The following CFAP299 variants were observed in gnomAD, a reference collection of about 807,000 sequenced individuals.
CFAP299 encodes cilia- and flagella-associated protein 299.
CFAP299 carries 21 observed loss-of-function variants against 27.0 expected under a neutral mutation model. The observed-to-expected ratio is 0.78, with a 90% CI of 0.55 to 1.12. CFAP299 has a LOEUF of 1.12. Ranked by LOEUF, CFAP299 falls within the 50% of genes most tolerant of loss-of-function variation. The pLI is 0.00. For synonymous variants in CFAP299, 104 were observed against 98.1 expected (o/e 1.06, Z -0.36); for missense variants, 310 against 276.6 (o/e 1.12, Z -0.86).
chr4:80,438,040 G>A (rs1728176159), intron 2 of CFAP299, among the ~76,000 whole-genome samples: 1 of 152,214 alleles, frequency 6.6e-6, no homozygotes, highest in Admixed American at 6.5e-5. Flanking sequence ...AAGCATCTTT[G>A]CTTTTATGAA....
At chr4:80,748,493 A>G (rs187694070) in intron 3 of CFAP299, among the ~76,000 whole-genome samples, 37 of 152,222 alleles carry the variant, frequency 2.4e-4, no homozygotes, top group African/African-American at 7.2e-4. Context: ...ATGAACATCT[A>G]TTTTCCCTAA....
At chr4:80,379,697 T>A (rs1248928410) in intron 2 of CFAP299, among the ~76,000 whole-genome samples, 2 of 152,074 alleles carry the variant, frequency 1.3e-5, no homozygotes, top group Non-Finnish European at 2.9e-5. Flanking sequence ...TGTTAGAAAA[T>A]TTTTCAAAAT....
rs547064789 is a variant in CFAP299 at position 80,687,956 on chromosome 4, C to T, written c.333+104773C>T. Among the ~76,000 whole-genome samples, 16 of 152,290 alleles carry T rather than the reference C, an allele frequency of 1.1e-4. No individual in the cohort carries two copies. In the South Asian group the frequency reaches 3.1e-3, roughly 30 times the overall value. On this transcript the variant is annotated intron_variant, in intron 3 of 5. Transcript: ENST00000358105. ...CGGCACCTGGAAGAAAGGGTCACTC[C>T]CACCCGAATACTGCGCTTTTCCGAA...
chr4:80,506,464 C>A (rs1330886151), intron 2 of CFAP299, among the ~76,000 whole-genome samples: 1 of 152,106 alleles, frequency 6.6e-6, no homozygotes, highest in Non-Finnish European at 1.5e-5. Context: ...TTTATTATTT[C>A]TAAGAAATGC....
chr4:80,405,009 A>T (rs1726343627), intron 2 of CFAP299, among the ~76,000 whole-genome samples: 1 of 152,192 alleles, frequency 6.6e-6, no homozygotes, highest in Non-Finnish European at 1.5e-5. Context: ...ACATACTGAC[A>T]TATATCGTCA....
intron 1 of CFAP299, 36 bp downstream of exon 1, chr4:80,335,915 G>T (rs1471558788): frequency 7.6e-7 from 1 of 1,320,162 alleles, no homozygotes; most frequent in Middle Eastern, 2.0e-4. Flanking sequence ...CCGCCGCCGC[G>T]CGTCCCTCGG....
intron 3 of CFAP299, among the ~76,000 whole-genome samples, chr4:80,605,105 T>C (rs756551732): frequency 6.6e-6 from 1 of 152,222 alleles, no homozygotes; most frequent in Non-Finnish European, 1.5e-5. Flanking sequence ...ACATTTTTCA[T>C]GCCTGAGTCA....
At chr4:80,667,400 A>G (rs1343420834) in intron 3 of CFAP299, among the ~76,000 whole-genome samples, 1 of 152,178 alleles carries the variant, frequency 6.6e-6, no homozygotes, top group East Asian at 1.9e-4. Context: ...TATAAACTAT[A>G]GTCACAGTAC....
chr4:80,357,498 C>G (rs1008537688), intron 1 of CFAP299, among the ~76,000 whole-genome samples: 1 of 152,238 alleles, frequency 6.6e-6, no homozygotes, highest in Middle Eastern at 3.4e-3. Flanking sequence ...CTATTTATTA[C>G]TGACTCAATT....
intron 1 of CFAP299, among the ~76,000 whole-genome samples, chr4:80,355,531 G>C (rs1723232891): frequency 1.3e-5 from 2 of 151,856 alleles, no homozygotes; most frequent in African/African-American, 2.4e-5. Context: ...CTAATGTTTT[G>C]TATTTTTAGT....
At chr4:80,417,636 A>G (rs1727080973) in intron 2 of CFAP299, among the ~76,000 whole-genome samples, 1 of 152,160 alleles carries the variant, frequency 6.6e-6, no homozygotes, top group South Asian at 2.1e-4. Flanking sequence ...TTGAAATACA[A>G]TCATATTTCC....
chr4:80,889,687 G>A (rs746609141), intron 4 of CFAP299, among the ~76,000 whole-genome samples: 7 of 151,826 alleles, frequency 4.6e-5, no homozygotes, highest in Non-Finnish European at 8.8e-5. Context: ...AAAACTGCAG[G>A]CCAATATCTC....
intron 3 of CFAP299, among the ~76,000 whole-genome samples, chr4:80,669,309 GCCTGGCTAAT>G (rs1191196680): frequency 6.6e-6 from 1 of 151,180 alleles, no homozygotes; most frequent in Non-Finnish European, 1.5e-5. Flanking sequence ...CATGTGCCGT[GCCTGGCTAAT>G]CTTTTGTAAT....
At chr4:80,790,121 A>G (rs56246520) in intron 3 of CFAP299, among the ~76,000 whole-genome samples, 8,091 of 152,030 alleles carry the variant, frequency 0.053, 497 homozygotes, top group African/African-American at 0.15. Context: ...AAGATTTAGC[A>G]CTATTATCAT....
chr4:80,916,861 G>A (rs889055751), intron 4 of CFAP299, among the ~76,000 whole-genome samples: 43 of 151,992 alleles, frequency 2.8e-4, no homozygotes, highest in African/African-American at 7.7e-4. Flanking sequence ...AATAAATTCC[G>A]AGGTGAAGTA....
intron 3 of CFAP299, among the ~76,000 whole-genome samples, chr4:80,640,233 A>C (rs1241497200): frequency 6.6e-6 from 1 of 152,176 alleles, no homozygotes; most frequent in South Asian, 2.1e-4. Flanking sequence ...TCTGATTTAC[A>C]ACATGCTGGG....
At chr4:80,549,133 A>G (rs893372716) in intron 2 of CFAP299, among the ~76,000 whole-genome samples, 3 of 152,072 alleles carry the variant, frequency 2.0e-5, no homozygotes, top group African/African-American at 7.2e-5. Context: ...TCTAAGCACT[A>G]TGAGAAATAA....
chr4:80,870,240 G>T, intron 4 of CFAP299, 105 bp downstream of exon 4: 1 of 1,333,780 alleles, frequency 7.5e-7, no homozygotes, highest in Non-Finnish European at 9.8e-7. Context: ...ACAGGAATGT[G>T]ATATAACTGG....
chr4:80,439,388 C>T (rs1320496924), intron 2 of CFAP299, among the ~76,000 whole-genome samples: 1 of 152,132 alleles, frequency 6.6e-6, no homozygotes, highest in Non-Finnish European at 1.5e-5. Context: ...TGGGTGCAGC[C>T]CACAGAGGGC....
Sources: gnomAD v4.1 joint callset for allele counts (sites outside exome capture counted in the v4.1 genomes callset) on GRCh38, gnomAD v4.1.1 for gene constraint, MANE v1.5 for transcripts, NCBI Gene and HGNC (gene_info 2026-07-23, HGNC 2026-07-21) for gene names.